Variants in EPHA6 observed in about 807,000 individuals in gnomAD.
EPHA6 encodes the protein EPH receptor A6, also known as ephrin type-A receptor 6.
EPHA6 carries 50 observed loss-of-function variants against 112.0 expected under a neutral mutation model. The ratio of observed to expected loss-of-function variants is 0.45; its 90% CI spans 0.36 to 0.56. The LOEUF (loss-of-function observed/expected upper bound fraction) is 0.56. Among genes scored for constraint, EPHA6 ranks in the 20% least tolerant of loss-of-function variants. EPHA6 has a pLI of 0.00. For missense variants in EPHA6, 1,280 were observed against 1,417.4 expected (o/e 0.90, Z 1.56); for synonymous variants, 529 against 490.7 (o/e 1.08, Z -1.03).
Position 97,642,078 on chromosome 3 carries a change from C to T in EPHA6, c.2784+3996C>T, listed in dbSNP as rs576952734. On this transcript the variant is annotated intron_variant, in intron 14 of 17. Transcript: ENST00000389672. ...GCAGAGAGCAGTGGTTCTCCCAGCA[C>T]GCAGCTGGAGATCTGAGAACGGGCA... 2.7e-4 allele frequency among the ~76,000 whole-genome samples: 39 copies of T among 144,946 alleles called. No homozygotes were observed. In the South Asian group the frequency reaches 2.8e-3, roughly 10 times the overall value.
chr3:97,456,254 T>G (rs990665449), intron 7 of EPHA6, among the ~76,000 whole-genome samples: 4 of 152,152 alleles, frequency 2.6e-5, no homozygotes, highest in Admixed American at 6.5e-5. Context: ...TTTCTTTTTT[T>G]AAAAGATTCT....
chr3:97,447,798 C>A (rs1333968577), intron 6 of EPHA6: 1 of 1,015,240 alleles, frequency 9.8e-7, no homozygotes, highest in Non-Finnish European at 1.2e-6. Context: ...GACTGAGAAC[C>A]AAGCCTCAAG....
At chr3:97,413,466 C>T (rs2087880051) in intron 6 of EPHA6, among the ~76,000 whole-genome samples, 1 of 151,780 alleles carries the variant, frequency 6.6e-6, no homozygotes, top group African/African-American at 2.4e-5. Context: ...CTCTGATTAG[C>T]CCCAATGAAT....
rs979156240 is a variant in EPHA6, at chr3:96,824,173, G to A, written c.385+9165G>A. 4.0e-5 allele frequency among the ~76,000 whole-genome samples: 6 copies of A among 151,406 alleles called. No individual in the cohort carries two copies. The East Asian group carries it at 9.7e-4, about 24-fold the overall frequency. ...CTACTTTACGACCAGCAATCTATTT[G>A]TTTTCTTAGATTTTTCAAGAACCCT... is the stretch of plus-strand genomic sequence containing the variant. On this transcript the variant is annotated intron_variant, in intron 1 of 17. Transcript: ENST00000389672.
At chr3:97,224,173 TG>T (rs1015674646) in intron 3 of EPHA6, among the ~76,000 whole-genome samples, 9 of 152,216 alleles carry the variant, frequency 5.9e-5, no homozygotes, top group African/African-American at 1.9e-4. Flanking sequence ...AGTATTTTAA[TG>T]TGGCTACTAC....
chr3:97,748,504 G>A, intron 17 of EPHA6, 83 bp from the exon 18 acceptor site: 2 of 733,800 alleles, frequency 2.7e-6, no homozygotes, highest in East Asian at 5.4e-5. Flanking sequence ...AGATCTGAAT[G>A]TTCATATTCT....
chr3:97,512,773 C>G (rs1228228829), intron 10 of EPHA6, among the ~76,000 whole-genome samples: 3 of 152,136 alleles, frequency 2.0e-5, no homozygotes, highest in Non-Finnish European at 4.4e-5. Flanking sequence ...CCATGTAGGC[C>G]AGGCTGGTCT....
Position 97,095,771 on chromosome 3 carries a change from A to G in EPHA6, c.1114+107778A>G, listed in dbSNP as rs1478481013. Among the ~76,000 whole-genome samples, 3 of 151,908 alleles carry G rather than the reference A, an allele frequency of 2.0e-5. 1 individual carries two copies. Among genetic ancestry groups the G allele is most frequent in the Admixed American group, 1.3e-4 (2 of 15,208 alleles). ...TTGAAGGACTTGTTAAAAAATAAAAAAAAAAACAAGCAAACAAAAAAACAT... is the reference window on the plus strand; with the variant it reads ...TTGAAGGACTTGTTAAAAAATAAAAGAAAAAACAAGCAAACAAAAAAACAT... On this transcript the variant is annotated intron_variant, in intron 3 of 17. Transcript: ENST00000389672.
intron 3 of EPHA6, among the ~76,000 whole-genome samples, chr3:96,989,061 C>CA (rs1196530720): frequency 6.6e-6 from 1 of 152,082 alleles, no homozygotes; most frequent in African/African-American, 2.4e-5. Context: ...ATTTCCCTCT[C>CA]AATGATAACT....
intron 2 of EPHA6, among the ~76,000 whole-genome samples, chr3:96,909,747 C>A (rs567949715): frequency 6.6e-6 from 1 of 151,904 alleles, no homozygotes; most frequent in South Asian, 2.1e-4. Context: ...GTGAGTGAAG[C>A]CAAAAGACAT....
chr3:97,405,386 C>A, intron 6 of EPHA6, 112 bp downstream of exon 6: 2 of 925,366 alleles, frequency 2.2e-6, no homozygotes, highest in Admixed American at 3.0e-5. Flanking sequence ...TCTTCTTTGG[C>A]CTAGCCTCAT....
chr3:97,748,516 T>A (rs71311333), intron 17 of EPHA6, 71 bp from the exon 18 acceptor site: 2 of 732,054 alleles, frequency 2.7e-6, no homozygotes, highest in Non-Finnish European at 4.8e-6. Context: ...TCATATTCTG[T>A]ATCTCTCTCT....
Position 97,361,065 on chromosome 3 carries a change from A to C in EPHA6, c.1607-44085A>C, listed in dbSNP as rs542052301. On this transcript the variant is annotated intron_variant, in intron 5 of 17. Coordinates refer to ENST00000389672, the MANE Select transcript of EPHA6 (RefSeq NM_001080448.3). ...TGCACCTTGCTGAGTCTTCCATCCA[A>C]TGGAGATCAAGGATCGCTTTGTTTT... Among the ~76,000 whole-genome samples the C allele has an allele frequency of 4.7e-4, 71 of 152,250 alleles. No individual in the cohort carries two copies. The South Asian group carries it at 0.015, about 31-fold the overall frequency.
chr3:97,212,965 T>C (rs1426287507), intron 3 of EPHA6, among the ~76,000 whole-genome samples: 1 of 152,204 alleles, frequency 6.6e-6, no homozygotes, highest in African/African-American at 2.4e-5. Flanking sequence ...TCCTCTTCTC[T>C]ACATAACCAG....
At chr3:97,401,330 CTT>C (rs1361426322) in intron 5 of EPHA6, among the ~76,000 whole-genome samples, 2 of 151,458 alleles carry the variant, frequency 1.3e-5, no homozygotes, top group African/African-American at 4.8e-5. Flanking sequence ...TGTTGGGAGA[CTT>C]TTTATTACTG....
intron 3 of EPHA6, among the ~76,000 whole-genome samples, chr3:97,129,557 C>T (rs1245989411): frequency 2.0e-5 from 3 of 151,354 alleles, no homozygotes; most frequent in African/African-American, 2.4e-5. Flanking sequence ...GTGGTAAATT[C>T]GGTGTTAATT....
chr3:97,572,219 C>T (rs1010352251), intron 11 of EPHA6, among the ~76,000 whole-genome samples: 26 of 145,834 alleles, frequency 1.8e-4, no homozygotes, highest in African/African-American at 5.1e-4. Flanking sequence ...GGCACTATCT[C>T]GGCTCACTGC....
chr3:97,399,091 C>A (rs2109097371), intron 5 of EPHA6, among the ~76,000 whole-genome samples: 1 of 151,620 alleles, frequency 6.6e-6, no homozygotes, highest in East Asian at 1.9e-4. Context: ...GCTAACTTTT[C>A]TTTAGCCACT....
intron 6 of EPHA6, among the ~76,000 whole-genome samples, chr3:97,431,799 G>T (rs546737980): frequency 2.0e-5 from 3 of 152,076 alleles, no homozygotes; most frequent in Non-Finnish European, 4.4e-5. Flanking sequence ...GATGGACTTA[G>T]TTCAATTGTT....
Sources: gnomAD v4.1 joint callset for allele counts (sites outside exome capture counted in the v4.1 genomes callset) on GRCh38, gnomAD v4.1.1 for gene constraint, MANE v1.5 for transcripts, NCBI Gene and HGNC (gene_info 2026-07-23, HGNC 2026-07-21) for gene names.